The following ZFHX3 variants were observed in gnomAD, a reference collection of about 807,000 sequenced individuals.
ZFHX3 encodes zinc finger homeobox 3, also known as zinc finger homeobox protein 3.
Under a neutral mutation model 279.1 loss-of-function variants are expected in ZFHX3, and 42 were observed. The ratio of observed to expected loss-of-function variants is 0.15; its 90% CI spans 0.12 to 0.19. The LOEUF (loss-of-function observed/expected upper bound fraction) is 0.19. Among genes scored for constraint, ZFHX3 ranks in the 10% least tolerant of loss-of-function variants. ZFHX3 has a pLI of 1.00. For missense variants in ZFHX3, 4,981 were observed against 4,754.0 expected, an observed-to-expected ratio of 1.05 and a Z score of -1.40; for synonymous variants, 2,293 against 1,957.8, an observed-to-expected ratio of 1.17 and a Z score of -4.52.
At chr16:73,529,626 A>G (rs2019758640) in intron 2 of ZFHX3, among the ~76,000 whole-genome samples, 1 of 152,202 alleles carries the variant, frequency 6.6e-6, no homozygotes, top group African/African-American at 2.4e-5. Context: ...AAATGGGAAA[A>G]TATCCGTCAG....
At chr16:73,320,063 A>T (rs917920656) in intron 3 of ZFHX3, among the ~76,000 whole-genome samples, 2 of 152,148 alleles carry the variant, frequency 1.3e-5, no homozygotes, top group African/African-American at 4.8e-5. Flanking sequence ...ATGAGGGAGA[A>T]AAGGAGGAGG....
intron 5 of ZFHX3, among the ~76,000 whole-genome samples, chr16:72,813,696 C>A (rs1157912028): frequency 1.3e-5 from 2 of 152,148 alleles, no homozygotes; most frequent in African/African-American, 2.4e-5. Context: ...GACTTCAAAC[C>A]CATTTTGCTC....
intron 9 of ZFHX3, chr16:72,790,717 G>A (rs2035662043): frequency 6.6e-6 from 1 of 152,174 alleles, no homozygotes; most frequent in East Asian, 1.9e-4. Flanking sequence ...AAGACTTGTT[G>A]GTTAAATTGG....
At position 73,387,934 on chromosome 16, in the gene ZFHX3, C is replaced by G. The variant is rs575066959; in HGVS notation, c.-1291+68069G>C. ...ATAGCTCGCCTAGTTAAAGGGATAC[C>G]AATTTTTAAACGCTCTGCCAAGCTG... On this transcript the variant is annotated intron_variant, in intron 3 of 17. Coordinates refer to the ZFHX3 transcript ENST00000641206. Among the ~76,000 whole-genome samples, 10 of 151,826 alleles carry G rather than the reference C, an allele frequency of 6.6e-5. No individual in the cohort carries two copies. In the South Asian group the frequency reaches 2.1e-3, roughly 32 times the overall value.
chr16:73,754,534 T>A (rs2053790140), intron 1 of ZFHX3, among the ~76,000 whole-genome samples: 1 of 152,038 alleles, frequency 6.6e-6, no homozygotes, highest in Non-Finnish European at 1.5e-5. Context: ...CAGCCCCAGC[T>A]GCCACATGCT....
intron 1 of ZFHX3, among the ~76,000 whole-genome samples, chr16:73,810,147 C>G (rs1430510195): frequency 1.3e-5 from 2 of 152,102 alleles, no homozygotes; most frequent in Non-Finnish European, 2.9e-5. Context: ...TGGGCACAGC[C>G]ACCCCGCCAC....
At position 73,682,901 on chromosome 16, in the gene ZFHX3, AGAAAG is replaced by A. The variant is rs1226479150; in HGVS notation, c.-1607-2666_-1607-2662del. Among the ~76,000 whole-genome samples, 202 of 20,690 alleles carry A rather than the reference AGAAAG, an allele frequency of 9.8e-3. 15 individuals carry two copies. Among genetic ancestry groups the A allele is most frequent in the African/African-American group, 0.016 (114 of 6,938 alleles). The allele number at this position is 20,690 out of a possible 152,430, so 13.6% of individuals were successfully genotyped here. A position where few individuals can be genotyped will look rare whatever the true frequency, so the allele number is the denominator to read the frequency against. On this transcript the variant is annotated intron_variant, in intron 1 of 17. Transcript: ENST00000641206. ...AAGAAAGAAAGAAAGAAAGAAAGAA[AGAAAG>A]AGAAAGAAAGAGAGAAAGAGAAAGA...
chr16:73,233,647 G>T (rs1439952989), intron 5 of ZFHX3, among the ~76,000 whole-genome samples: 1 of 152,186 alleles, frequency 6.6e-6, no homozygotes, highest in Admixed American at 6.5e-5. Flanking sequence ...CCCAGCTTTG[G>T]CTTGGTGATT....
At chr16:73,004,176 T>A (rs1307725755) in intron 1 of ZFHX3, among the ~76,000 whole-genome samples, 2 of 140,488 alleles carry the variant, frequency 1.4e-5, no homozygotes, top group Non-Finnish European at 3.1e-5. Flanking sequence ...TTTTTTTTTT[T>A]TTTTTTTTAA....
At chr16:73,830,341 G>A (rs1439379641) in intron 1 of ZFHX3, among the ~76,000 whole-genome samples, 1 of 150,580 alleles carries the variant, frequency 6.6e-6, no homozygotes, top group Non-Finnish European at 1.5e-5. Context: ...TACCTCAGAT[G>A]GAAATGCAGA....
At chr16:72,859,883 A>G (rs565915374) in intron 4 of ZFHX3, among the ~76,000 whole-genome samples, 13 of 152,204 alleles carry the variant, frequency 8.5e-5, no homozygotes, top group Non-Finnish European at 1.8e-4. Context: ...CTCCGCTCCA[A>G]GGTATCACTG....
At chr16:73,403,671 G>A (rs1327252351) in intron 3 of ZFHX3, among the ~76,000 whole-genome samples, 2 of 152,190 alleles carry the variant, frequency 1.3e-5, no homozygotes, top group South Asian at 2.1e-4. Flanking sequence ...TGAACTGGGC[G>A]GGCTGGAGGG....
intron 3 of ZFHX3, among the ~76,000 whole-genome samples, chr16:73,427,815 C>T (rs538942296): frequency 3.6e-4 from 55 of 151,878 alleles, no homozygotes; most frequent in East Asian, 3.3e-3. Flanking sequence ...TGGTGGCGCA[C>T]GCCTGGAGTC....
At chr16:73,233,603 G>A (rs1401077548) in intron 5 of ZFHX3, among the ~76,000 whole-genome samples, 1 of 152,166 alleles carries the variant, frequency 6.6e-6, no homozygotes, top group Non-Finnish European at 1.5e-5. Context: ...GACAGCCATG[G>A]GGGTGCCAGT....
intron 4 of ZFHX3, among the ~76,000 whole-genome samples, chr16:73,304,141 A>G (rs2015124844): frequency 6.6e-6 from 1 of 152,166 alleles, no homozygotes; most frequent in Non-Finnish European, 1.5e-5. Context: ...CGGAGCTTGC[A>G]GAAGAGCCTC....
chr16:73,477,949 G>A (rs2143617795), intron 2 of ZFHX3, among the ~76,000 whole-genome samples: 2 of 152,232 alleles, frequency 1.3e-5, no homozygotes, highest in Middle Eastern at 6.8e-3. Flanking sequence ...GGCTTATTTT[G>A]TTGTTGTTTT....
chr16:73,563,170 TTGTGTGTGTG>T (rs200933190), intron 2 of ZFHX3, among the ~76,000 whole-genome samples: 4,058 of 134,876 alleles, frequency 0.03, 105 homozygotes, highest in African/African-American at 0.049. Context: ...TTTTGTTTTG[TTGTGTGTGTG>T]TGTGTGTGTG....
At chr16:73,291,370 A>T (rs1262277238) in intron 4 of ZFHX3, among the ~76,000 whole-genome samples, 1 of 152,182 alleles carries the variant, frequency 6.6e-6, no homozygotes, top group East Asian at 1.9e-4. Context: ...AAGCTCTCGG[A>T]GTTTCCAGGT....
At chr16:73,348,180 T>C (rs2016156326) in intron 3 of ZFHX3, among the ~76,000 whole-genome samples, 1 of 152,168 alleles carries the variant, frequency 6.6e-6, no homozygotes, top group Non-Finnish European at 1.5e-5. Context: ...CCACGGTTTA[T>C]TTTTCTGCTG....
Sources: gnomAD v4.1 joint callset for allele counts (sites outside exome capture counted in the v4.1 genomes callset) on GRCh38, gnomAD v4.1.1 for gene constraint, MANE v1.5 for transcripts, NCBI Gene and HGNC (gene_info 2026-07-23, HGNC 2026-07-21) for gene names.